Variants in VPS53 observed in about 807,000 individuals in gnomAD.
VPS53 encodes the protein vacuolar protein sorting-associated protein 53 homolog.
Under a neutral mutation model 107.0 loss-of-function variants are expected in VPS53, and 70 were observed. That is an observed-to-expected ratio of 0.65 (90% confidence interval 0.54 to 0.80). VPS53 has a LOEUF of 0.80. Among genes scored for constraint, VPS53 ranks in the 30% least tolerant of loss-of-function variants. The pLI is 0.00. For missense variants in VPS53, 917 were observed against 1,049.4 expected, an observed-to-expected ratio of 0.87 and a Z score of 1.74; for synonymous variants, 409 against 393.3, an observed-to-expected ratio of 1.04 and a Z score of -0.47.
rs755688458 is a variant in VPS53, at chr17:562,519, A to C, written c.1540T>G (p.Ser514Ala). Residue 514 changes from serine (S) to alanine (A), a missense_variant, in exon 14 of 22, where the codon TCT becomes GCT. By Grantham distance (99) the Ser-to-Ala change is moderately conservative. Transcript: ENST00000437048. The part of the protein sequence containing the change: ...YLREYAWKIL[S>A]GNLPKTTTSS... ...AGGACTCACTTGGGCAGGTTGCCAG[A>C]GAGGATTTTCCAGGCGTATTCTCGG... 6.2e-7 allele frequency: 1 copy of C among 1,614,068 alleles called. No homozygotes were observed. The highest frequency in any genetic ancestry group is 1.7e-5 in the Admixed American group (1 of 60,004).
intron 11 of VPS53, among the ~76,000 whole-genome samples, chr17:608,392 G>A (rs1968680642): frequency 6.6e-6 from 1 of 152,048 alleles, no homozygotes. Context: ...TCAGAAACAT[G>A]GGCAACACTT....
chr17:622,771 G>A (rs1354233139), intron 11 of VPS53, among the ~76,000 whole-genome samples: 1 of 151,514 alleles, frequency 6.6e-6, no homozygotes, highest in Non-Finnish European at 1.5e-5. Flanking sequence ...ACTCATCATA[G>A]CTCACTGCAG....
At chr17:531,193 C>A (rs1350845067) in intron 19 of VPS53, among the ~76,000 whole-genome samples, 1 of 152,180 alleles carries the variant, frequency 6.6e-6, no homozygotes, top group African/African-American at 2.4e-5. Context: ...CCCAGCCAAA[C>A]CTCAACTCAT....
intron 4 of VPS53, chr17:676,283 C>T (rs1567731634): frequency 1.3e-5 from 2 of 152,166 alleles, no homozygotes; most frequent in Non-Finnish European, 2.9e-5. Flanking sequence ...CCAAGTTCTT[C>T]CATGAAGACA....
At chr17:610,753 T>TAAA (rs34089454) in intron 11 of VPS53, among the ~76,000 whole-genome samples, 6 of 128,890 alleles carry the variant, frequency 4.7e-5, no homozygotes, top group African/African-American at 1.4e-4. Context: ...CCGCCTCTAC[T>TAAA]AAAAAAAAAA....
intron 15 of VPS53, among the ~76,000 whole-genome samples, chr17:556,184 G>C (rs989799810): frequency 3.3e-5 from 5 of 152,112 alleles, no homozygotes; most frequent in African/African-American, 1.2e-4. Flanking sequence ...CAGCCACTTG[G>C]GAGGCTGAGG....
At chr17:671,803 C>A (rs951747062) in intron 4 of VPS53, among the ~76,000 whole-genome samples, 1 of 151,776 alleles carries the variant, frequency 6.6e-6, no homozygotes, top group Admixed American at 6.6e-5. Flanking sequence ...ATTCTCATGC[C>A]TCAGCCTCCT....
chr17:588,549 T>C (rs540919231), intron 12 of VPS53, among the ~76,000 whole-genome samples: 1 of 152,354 alleles, frequency 6.6e-6, no homozygotes, highest in Admixed American at 6.5e-5. Flanking sequence ...ATGTCAACTT[T>C]AGACACATCT....
chr17:542,511 C>T (rs1233709267), intron 17 of VPS53, among the ~76,000 whole-genome samples: 2 of 152,200 alleles, frequency 1.3e-5, no homozygotes, highest in Non-Finnish European at 2.9e-5. Flanking sequence ...GCTCTTAACA[C>T]AGTGTCTCGC....
At chr17:610,097 C>A (rs960314359) in intron 11 of VPS53, among the ~76,000 whole-genome samples, 13 of 151,362 alleles carry the variant, frequency 8.6e-5, no homozygotes, top group African/African-American at 3.2e-4. Context: ...CGCCACTGCA[C>A]TCGAGCCTGG....
At chr17:638,721 T>C (rs1015555622) in intron 7 of VPS53, among the ~76,000 whole-genome samples, 30 of 152,352 alleles carry the variant, frequency 2.0e-4, no homozygotes, top group African/African-American at 7.2e-4. Flanking sequence ...AATTCTTTTC[T>C]TCAAGAATGT....
intron 13 of VPS53, among the ~76,000 whole-genome samples, chr17:573,331 A>C (rs1914333386): frequency 6.6e-6 from 1 of 152,248 alleles, no homozygotes; most frequent in Non-Finnish European, 1.5e-5. Context: ...AGCCATTTAA[A>C]GGATGTAAGG....
chr17:640,348 C>A (rs974284201), intron 7 of VPS53, among the ~76,000 whole-genome samples: 1 of 152,022 alleles, frequency 6.6e-6, no homozygotes, highest in African/African-American at 2.4e-5. Flanking sequence ...TTGCGCTTCC[C>A]GGGTGACGCG....
At chr17:628,624 A>T (rs77767098) in intron 8 of VPS53, among the ~76,000 whole-genome samples, 2,369 of 152,218 alleles carry the variant, frequency 0.016, 24 homozygotes, top group Middle Eastern at 0.031. Context: ...CTCTCCTAAG[A>T]GTTGGAATGC....
intron 4 of VPS53, among the ~76,000 whole-genome samples, chr17:669,200 GT>G (rs1971828794): frequency 6.6e-6 from 1 of 152,054 alleles, no homozygotes; most frequent in South Asian, 2.1e-4. Context: ...AGAAGTTAAG[GT>G]TTTTTTAAGA....
chr17:521,562 TTAAA>T lies in VPS53; in HGVS notation c.2223+35_2223+38del, dbSNP rs1908749382. The stretch of plus-strand genomic sequence containing the variant: ...AACCAAGGCTTCTCAGAAAAAGAGA[TTAAA>T]TAAATAACTGGCCCCTTTTAACACA... On this transcript the variant is annotated intron_variant, in intron 20 of 21. Transcript: ENST00000437048. 2.0e-6 allele frequency: 3 copies of T among 1,496,666 alleles called. No individual in the cohort carries two copies. The South Asian group carries it at 3.9e-5, about 19-fold the overall frequency. The allele number at this position is 1,496,666 out of a possible 1,614,324, so 92.7% of individuals were successfully genotyped here.
chr17:600,048 T>C (rs1029754997), intron 12 of VPS53: 1 of 152,212 alleles, frequency 6.6e-6, no homozygotes, highest in Admixed American at 6.5e-5. Flanking sequence ...CAGTGTTCTG[T>C]GTTCTTAGAA....
At chr17:570,978 G>A (rs1567636144) in intron 13 of VPS53, among the ~76,000 whole-genome samples, 1 of 152,122 alleles carries the variant, frequency 6.6e-6, no homozygotes, top group African/African-American at 2.4e-5. Flanking sequence ...GAAGTATTAA[G>A]GAGTAGTGGC....
At chr17:710,657 C>T (rs747079239) in intron 1 of VPS53, 44 bp from the exon 2 acceptor site, 8 of 1,372,062 alleles carry the variant, frequency 5.8e-6, no homozygotes, top group Admixed American at 5.7e-5. Context: ...TGTAGTATAC[C>T]GTAAATATAT....
Sources: gnomAD v4.1 joint callset for allele counts (sites outside exome capture counted in the v4.1 genomes callset) on GRCh38, gnomAD v4.1.1 for gene constraint, MANE v1.5 for transcripts, NCBI Gene and HGNC (gene_info 2026-07-23, HGNC 2026-07-21) for gene names.